Variants in CFAP299 observed in about 807,000 individuals in gnomAD.
The protein encoded by CFAP299 is cilia- and flagella-associated protein 299.
In CFAP299, 21 loss-of-function variants were observed where a neutral mutation model predicts 27.0. That is an observed-to-expected ratio of 0.78 (90% confidence interval 0.55 to 1.12). CFAP299 has a LOEUF of 1.12. Ranked by LOEUF, CFAP299 falls within the 50% of genes most tolerant of loss-of-function variation. The pLI is 0.00. For synonymous variants in CFAP299, 104 were observed against 98.1 expected (o/e 1.06, Z -0.36); for missense variants, 310 against 276.6 (o/e 1.12, Z -0.86).
intron 2 of CFAP299, among the ~76,000 whole-genome samples, chr4:80,466,848 A>G (rs1729729631): frequency 6.6e-6 from 1 of 152,212 alleles, no homozygotes; most frequent in South Asian, 2.1e-4. Flanking sequence ...TGCCATAGAT[A>G]GTGTCAGAGC....
intron 3 of CFAP299, among the ~76,000 whole-genome samples, chr4:80,682,192 GT>G (rs1345943927): frequency 6.6e-6 from 1 of 152,164 alleles, no homozygotes; most frequent in Non-Finnish European, 1.5e-5. Context: ...CATAAAAATA[GT>G]TTTATGGTAA....
At chr4:80,756,922 T>A (rs913235596) in intron 3 of CFAP299, among the ~76,000 whole-genome samples, 2 of 152,192 alleles carry the variant, frequency 1.3e-5, no homozygotes, top group African/African-American at 4.8e-5. Flanking sequence ...ATTAATGGCC[T>A]CCTAAAATAT....
At chr4:80,611,613 C>T (rs1737984547) in intron 3 of CFAP299, among the ~76,000 whole-genome samples, 2 of 152,094 alleles carry the variant, frequency 1.3e-5, no homozygotes, top group South Asian at 4.1e-4. Flanking sequence ...ATCCAGACCA[C>T]ACCTGCATTG....
the CFAP299 span, among the ~76,000 whole-genome samples, chr4:80,326,624 GT>G: frequency 1.3e-5 from 2 of 152,134 alleles, no homozygotes; most frequent in Non-Finnish European, 2.9e-5. Flanking sequence ...CTGGCCTGTG[GT>G]TTCTTCTGAC....
chr4:80,406,658 C>T (rs1253295782), intron 2 of CFAP299, among the ~76,000 whole-genome samples: 2 of 152,192 alleles, frequency 1.3e-5, no homozygotes, highest in Admixed American at 6.5e-5. Flanking sequence ...GTATGAACCA[C>T]TGTGCCCAGC....
chr4:80,921,458 G>A (rs1050165458), intron 4 of CFAP299, among the ~76,000 whole-genome samples: 9 of 151,944 alleles, frequency 5.9e-5, no homozygotes, highest in African/African-American at 2.2e-4. Context: ...TGAAAGACAG[G>A]GGAATGGCAT....
chr4:80,390,776 T>TACATATACACATATATGTGTATACAC (rs1553919181), intron 2 of CFAP299, among the ~76,000 whole-genome samples: 2 of 124,262 alleles, frequency 1.6e-5, no homozygotes, highest in African/African-American at 5.7e-5. Context: ...TATGTATATA[T>TACATATACACATATATGTGTATACAC]ACATATACAC....
chr4:80,457,878 C>G (rs1160672669), intron 2 of CFAP299, among the ~76,000 whole-genome samples: 1 of 152,098 alleles, frequency 6.6e-6, no homozygotes, highest in East Asian at 1.9e-4. Flanking sequence ...TGTTGATTTT[C>G]TGAAACGTTA....
intron 3 of CFAP299, among the ~76,000 whole-genome samples, chr4:80,645,543 G>GCACATA (rs1173536356): frequency 1.3e-5 from 2 of 152,048 alleles, no homozygotes; most frequent in Admixed American, 6.6e-5. Context: ...ACACACACAT[G>GCACATA]CACATACACA....
chr4:80,604,043 AT>A (rs566079882), intron 3 of CFAP299, among the ~76,000 whole-genome samples: 30 of 152,316 alleles, frequency 2.0e-4, no homozygotes, highest in Admixed American at 1.2e-3. Context: ...AAATTAAGAG[AT>A]TTTAAACCCA....
At chr4:80,860,182 CT>C (rs1381620811) in intron 3 of CFAP299, among the ~76,000 whole-genome samples, 2 of 152,166 alleles carry the variant, frequency 1.3e-5, no homozygotes, top group African/African-American at 4.8e-5. Context: ...CGCTGATACC[CT>C]TTCTTCCAGT....
At chr4:80,467,198 A>G (rs2110111831) in intron 2 of CFAP299, among the ~76,000 whole-genome samples, 1 of 152,300 alleles carries the variant, frequency 6.6e-6, no homozygotes, top group East Asian at 1.9e-4. Flanking sequence ...GCAGCTTGAA[A>G]TTGGTCAAGG....
intron 1 of CFAP299, among the ~76,000 whole-genome samples, chr4:80,356,105 A>C (rs1271714410): frequency 8.6e-5 from 4 of 46,330 alleles, no homozygotes; most frequent in African/African-American, 5.1e-4. Context: ...TCCTTTCCCC[A>C]TTGTTTTTTT....
At chr4:80,608,415 C>G (rs1212513535) in intron 3 of CFAP299, 2 of 1,433,192 alleles carry the variant, frequency 1.4e-6, no homozygotes, top group Admixed American at 4.0e-5. Flanking sequence ...GTTTCCTTTA[C>G]AAGTTAGAAA....
chr4:80,839,001 C>G (rs1730719709), intron 3 of CFAP299, among the ~76,000 whole-genome samples: 1 of 152,158 alleles, frequency 6.6e-6, no homozygotes, highest in Non-Finnish European at 1.5e-5. Flanking sequence ...CATTTCTTCT[C>G]CCAAAGACAC....
chr4:80,524,571 T>A (rs562138221), intron 2 of CFAP299, among the ~76,000 whole-genome samples: 9 of 152,208 alleles, frequency 5.9e-5, no homozygotes, highest in African/African-American at 2.2e-4. Flanking sequence ...CCCATATGTA[T>A]GACTGCCTAA....
chr4:80,664,910 G>A (rs1244563521), intron 3 of CFAP299, among the ~76,000 whole-genome samples: 3 of 152,184 alleles, frequency 2.0e-5, no homozygotes, highest in African/African-American at 7.2e-5. Context: ...CTTGGGAAAA[G>A]CGTAGTTTCT....
intron 2 of CFAP299, among the ~76,000 whole-genome samples, chr4:80,409,067 A>G (rs1173354460): frequency 7.3e-5 from 11 of 151,646 alleles, no homozygotes; most frequent in Admixed American, 7.2e-4. Flanking sequence ...AGAAAAATAT[A>G]AACAACTGAT....
chr4:80,636,165 A>G (rs1293302126), intron 3 of CFAP299, among the ~76,000 whole-genome samples: 1 of 152,172 alleles, frequency 6.6e-6, no homozygotes, highest in Admixed American at 6.5e-5. Context: ...CTCCTTCTTT[A>G]GAAGTACAGA....
Sources: allele counts gnomAD v4.1 joint callset (sites outside exome capture counted in the v4.1 genomes callset), GRCh38; gene constraint gnomAD v4.1.1; transcripts MANE v1.5; gene names NCBI Gene and HGNC (gene_info 2026-07-23, HGNC 2026-07-21).